The following CLTC variants were observed in gnomAD, a reference collection of about 807,000 sequenced individuals.
The protein encoded by CLTC is clathrin heavy chain.
A neutral mutation model predicts 195.8 loss-of-function variants in CLTC; 16 were observed. The observed-to-expected ratio is 0.08, with a 90% confidence interval of 0.06 to 0.12. The LOEUF is 0.12. CLTC is among the 10% of genes least tolerant of loss of function. The pLI is 1.00. For synonymous variants in CLTC, 667 were observed against 689.4 expected, an observed-to-expected ratio of 0.97 and a Z score of 0.51; for missense variants, 796 against 2,027.0, an observed-to-expected ratio of 0.39 and a Z score of 11.66.
chr17:59,624,544 C>T (rs1373753842), intron 1 of CLTC, among the ~76,000 whole-genome samples: 1 of 146,172 alleles, frequency 6.8e-6, no homozygotes, highest in Non-Finnish European at 1.5e-5. Context: ...TCTCGGCTCA[C>T]AGCAACCTCC....
rs539527995 is a variant in CLTC, at chr17:59,656,613, A to G, written c.969+586A>G. On this transcript the variant is annotated intron_variant, in intron 6 of 31. Coordinates refer to ENST00000269122, the MANE Select transcript of CLTC (RefSeq NM_004859.4). ...GTTCTAAATTTGTCATTTTTGAAAAACCTCTTCATACCATCTAGCAAGTGA... is the reference window on the plus strand; with the variant it reads ...GTTCTAAATTTGTCATTTTTGAAAAGCCTCTTCATACCATCTAGCAAGTGA... Among the ~76,000 whole-genome samples the G allele has an allele frequency of 8.8e-5, 13 of 147,046 alleles. No homozygotes were observed. In the East Asian group the frequency reaches 2.4e-3, roughly 27 times the overall value.
intron 2 of CLTC, among the ~76,000 whole-genome samples, chr17:59,646,322 ACT>A (rs1464663958): frequency 6.6e-6 from 1 of 151,946 alleles, no homozygotes; most frequent in African/African-American, 2.4e-5. Flanking sequence ...CAGGACTGTA[ACT>A]CTCACAATTT....
rs2032251873 is a variant in CLTC at position 59,648,568 on chromosome 17, A to G, written c.681+167A>G. The G allele has an allele frequency of 1.6e-6, 1 of 607,980 alleles. No individual in the cohort carries two copies. The highest frequency in any genetic ancestry group is 2.3e-5 in the South Asian group (1 of 42,756). 37.7% of individuals were successfully genotyped at this position (607,980 alleles called of 1,614,324 possible). ...ATTTTGCATCTAGTGATACTTGTCT[A>G]AAATGAATAATGTTCTTTCACAACT... On this transcript the variant is annotated intron_variant, in intron 4 of 31. Transcript: ENST00000269122. The surrounding 1 kb of genome is among the most constrained non-coding windows in gnomAD (Gnocchi z 4.5).
intron 1 of CLTC, among the ~76,000 whole-genome samples, chr17:59,625,376 C>T (rs572446760): frequency 4.6e-5 from 7 of 151,814 alleles, no homozygotes; most frequent in South Asian, 2.1e-4. Flanking sequence ...ATGCCTGCCT[C>T]GGCCTCCCGA....
chr17:59,651,171 G>A (rs1307414913), intron 4 of CLTC, 32 bp from the exon 5 acceptor site: 1 of 1,346,042 alleles, frequency 7.4e-7, no homozygotes, highest in East Asian at 2.3e-5. Flanking sequence ...TAATGTATAG[G>A]TTTATATACA....
In CLTC at chr17:59,682,498, C is replaced by G. The variant is rs566841978; in HGVS notation, c.3600+70C>G. The G allele has an allele frequency of 3.7e-5, 59 of 1,589,618 alleles. No homozygotes were observed. The South Asian group carries it at 6.3e-4, about 17-fold the overall frequency. ...GATTAGCTTGGTAGGATCAAAACAT[C>G]ATAACTGAAGAATTCCAAGGAAAAA... is the stretch of plus-strand genomic sequence containing the variant. On this transcript the variant is annotated intron_variant, in intron 22 of 31. Transcript: ENST00000269122. The surrounding 1 kb of genome is among the most constrained non-coding windows in gnomAD (Gnocchi z 6.8).
chr17:59,644,539 G>GTTT (rs748545396), intron 2 of CLTC, 56 bp downstream of exon 2: 10 of 1,136,636 alleles, frequency 8.8e-6, no homozygotes, highest in African/African-American at 2.0e-5. Context: ...GTTTTTTTTT[G>GTTT]TTTTTTTTTT....
In CLTC at chr17:59,631,450, A is replaced by G. The variant is rs567049234; in HGVS notation, c.42+11277A>G. On this transcript the variant is annotated intron_variant, in intron 1 of 31. Coordinates refer to ENST00000269122, the MANE Select transcript of CLTC (RefSeq NM_004859.4). ...CTAGGGAGAGATCTGAAGAAATACT[A>G]GAAATTTTTTTCTGCAAAGAAAACT... 6.6e-5 allele frequency among the ~76,000 whole-genome samples: 10 copies of G among 152,360 alleles called. 1 individual carries two copies. In the South Asian group the frequency reaches 2.1e-3, roughly 32 times the overall value.
intron 6 of CLTC, chr17:59,658,883 C>G (rs951901148): frequency 6.6e-6 from 1 of 152,076 alleles, no homozygotes; most frequent in African/African-American, 2.4e-5. Flanking sequence ...TTAAATAAGC[C>G]TTGAGGATGG....
Position 59,685,491 on chromosome 17 carries a change from C to T in CLTC, c.4606-96C>T, listed in dbSNP as rs919469651. The stretch of plus-strand genomic sequence containing the variant: ...AGGAGGCTTTTTTCCCCTTGCAAAA[C>T]CAGATTTATATTGGAAAGTTTCCAT... On this transcript the variant is annotated intron_variant, in intron 29 of 31. Coordinates refer to ENST00000269122, the MANE Select transcript of CLTC (RefSeq NM_004859.4). This position sits in a 1 kb window ranked among gnomAD's most constrained non-coding sequence, Gnocchi z 5.0. 13 of 1,160,174 alleles carry T rather than the reference C, an allele frequency of 1.1e-5. No homozygotes were observed. The African/African-American group carries it at 2.0e-4, about 18-fold the overall frequency. The allele number at this position is 1,160,174 out of a possible 1,614,324, so 71.9% of individuals were successfully genotyped here.
In CLTC at chr17:59,681,657, A is replaced by T; in HGVS notation, c.3260A>T (p.Glu1087Val). 1 of 1,612,092 alleles carries T rather than the reference A, an allele frequency of 6.2e-7. No individual in the cohort carries two copies. Among genetic ancestry groups the T allele is most frequent in the Non-Finnish European group, 8.5e-7 (1 of 1,178,834 alleles). The change falls in exon 21 of 32, where the codon GAG becomes GTG. Residue 1087 changes from glutamate to valine, a missense_variant. Glu to Val is a moderately radical substitution (Grantham distance 121). This residue lies in a region of CLTC where 160 missense variants were observed against 448.2 expected (regional missense o/e 0.36). Coordinates refer to ENST00000269122, the MANE Select transcript of CLTC (RefSeq NM_004859.4). The surrounding 1 kb of genome is among the most constrained non-coding windows in gnomAD (Gnocchi z 5.0). ...AACTTGGATACTTAGGTCTTAATTG[A>T]GCATATTGGAAACTTGGATCGGGCA... The part of the protein sequence containing the change: ...VNTSAVQVLI[E>V]HIGNLDRAYE...
At chr17:59,636,170 AGT>A (rs936637122) in intron 1 of CLTC, among the ~76,000 whole-genome samples, 36 of 152,118 alleles carry the variant, frequency 2.4e-4, no homozygotes, top group African/African-American at 8.2e-4. Context: ...ATAATACCAT[AGT>A]CCCAGAACTA....
At chr17:59,625,897 ACTT>A in intron 1 of CLTC, among the ~76,000 whole-genome samples, 1 of 152,208 alleles carries the variant, frequency 6.6e-6, no homozygotes, top group Non-Finnish European at 1.5e-5. Context: ...AAATGGGCAT[ACTT>A]ATCTCACAAA....
intron 6 of CLTC, among the ~76,000 whole-genome samples, chr17:59,656,748 A>C (rs1206348948): frequency 7.1e-6 from 1 of 140,950 alleles, no homozygotes; most frequent in East Asian, 2.1e-4. Context: ...ATCTCAGCTC[A>C]CTACAACCTC....
chr17:59,690,902 T>TA, intron 31 of CLTC, 191 bp downstream of exon 31: 1 of 426,756 alleles, frequency 2.3e-6, no homozygotes, highest in Non-Finnish European at 4.1e-6. Context: ...AAAATAATCT[T>TA]AAATACAAGA....
chr17:59,661,945 A>G (rs1379348196), intron 8 of CLTC, among the ~76,000 whole-genome samples: 1 of 152,098 alleles, frequency 6.6e-6, no homozygotes, highest in African/African-American at 2.4e-5. Flanking sequence ...TCTACTAAAA[A>G]TACAAAAATC....
intron 31 of CLTC, among the ~76,000 whole-genome samples, chr17:59,691,880 T>C (rs952800641): frequency 6.6e-6 from 1 of 151,736 alleles, no homozygotes; most frequent in Non-Finnish European, 1.5e-5. Context: ...GGAAACACAG[T>C]AGGAACAAAA....
intron 1 of CLTC, among the ~76,000 whole-genome samples, chr17:59,629,986 C>T (rs1476607415): frequency 1.3e-5 from 2 of 152,038 alleles, no homozygotes; most frequent in African/African-American, 4.8e-5. Context: ...AATGCATATG[C>T]AGAGTTTAAA....
intron 17 of CLTC, among the ~76,000 whole-genome samples, chr17:59,678,738 C>T (rs2033018473): frequency 1.3e-5 from 2 of 152,168 alleles, no homozygotes; most frequent in Non-Finnish European, 2.9e-5. Flanking sequence ...GAGTGGCTCA[C>T]TCCTAGAATC....
Sources: allele counts gnomAD v4.1 joint callset (sites outside exome capture counted in the v4.1 genomes callset), GRCh38; gene constraint gnomAD v4.1.1; regional missense constraint gnomAD v4.1.1; non-coding constraint Gnocchi (gnomAD v3.1); transcripts MANE v1.5; gene names NCBI Gene and HGNC (gene_info 2026-07-23, HGNC 2026-07-21).